The following TGM1 variants were observed in gnomAD, a reference collection of about 807,000 sequenced individuals.
The protein encoded by TGM1 is transglutaminase 1.
Under a neutral mutation model 88.7 loss-of-function variants are expected in TGM1, and 63 were observed. The ratio of observed to expected loss-of-function variants is 0.71; its 90% CI spans 0.58 to 0.88. The LOEUF (loss-of-function observed/expected upper bound fraction) is 0.88, where lower values mean the gene tolerates loss of function less well. Ranked by LOEUF, TGM1 falls within the 40% of genes least tolerant of loss-of-function variation. TGM1 has a pLI of 0.00. For missense variants in TGM1, 996 were observed against 1,118.0 expected (o/e 0.89, Z 1.56); for synonymous variants, 415 against 431.1 (o/e 0.96, Z 0.46).
In TGM1 at chr14:24,261,843, C is replaced by A. The variant is rs41295444; in HGVS notation, c.360G>T (p.Ser120=). 8 of 1,613,778 alleles carry A rather than the reference C, an allele frequency of 5.0e-6. No individual in the cohort carries two copies. The highest frequency in any genetic ancestry group is 6.8e-6 in the Non-Finnish European group (8 of 1,180,006). Reference sequence around the variant, plus strand: ...GCTCTCGGCGGTTCTGGTCCGAGCGCGAGCTCAGCAAGTCCACACCGTTCA... The same window carrying A: ...GCTCTCGGCGGTTCTGGTCCGAGCGAGAGCTCAGCAAGTCCACACCGTTCA... ...LVVNGVDLLS[S]RSDQNRREHH... The change falls in exon 3 of 15, where the codon TCG becomes TCT. Residue 120 remains serine (S), a synonymous_variant. Transcript: ENST00000206765.
In TGM1 at chr14:24,262,247, G is replaced by C. The variant is rs145197904; in HGVS notation, c.106C>G (p.Arg36Gly). 1 of 1,613,822 alleles carries C rather than the reference G, an allele frequency of 6.2e-7. No individual in the cohort carries two copies. Among genetic ancestry groups the C allele is most frequent in the African/African-American group, 1.3e-5 (1 of 75,072 alleles). The change falls in exon 2 of 15, where the codon CGC becomes GGC. Residue 36 changes from arginine (R) to glycine (G), a missense_variant. By Grantham distance (125) the Arg-to-Gly change is moderately radical (BLOSUM62 -2). Transcript: ENST00000206765. ...CAGAAGGAACGGCCTCCTCCTCTGC[G>C]AGAGCGTCCGTCTGGCTCTGGCTCT... ...EPEPEPDGRS[R>G]RGGGRSFWAR...
Position 24,262,061 on chromosome 14 carries a change from T to A in TGM1, c.292A>T (p.Asn98Tyr). The part of the protein sequence containing the change: ...RRPVSRGSGV[N>Y]AAGDGTIREG... ...CGGATGGTGCCATCTCCAGCTGCAT[T>A]GACACCGCTGCCCCGGGATACAGGC... Residue 98 changes from asparagine to tyrosine, a missense_variant, in exon 2 of 15, where the codon AAT becomes TAT. Coordinates refer to ENST00000206765, the MANE Select transcript of TGM1 (RefSeq NM_000359.3). 6.2e-7 allele frequency: 1 copy of A among 1,613,628 alleles called. No individual in the cohort carries two copies.
In TGM1 at chr14:24,261,681, C is replaced by T. The variant is rs2040809676; in HGVS notation, c.508+14G>A. ...CATAGGGCCTTCACCCGTCCCAATC[C>T]AAGCCCCACTGACCGATGAGTAACT... is the stretch of plus-strand genomic sequence containing the variant. On this transcript the variant is annotated intron_variant, in intron 3 of 14. Transcript: ENST00000206765. 6.8e-6 allele frequency: 11 copies of T among 1,613,882 alleles called. No homozygotes were observed. The highest frequency in any genetic ancestry group is 9.3e-6 in the Non-Finnish European group (11 of 1,179,926).
intron 4 of TGM1, 22 bp downstream of exon 4, chr14:24,260,428 G>C: frequency 6.2e-7 from 1 of 1,613,984 alleles, no homozygotes. Context: ...TCTACCCTCT[G>C]CTCCAGACCC....
At chr14:24,258,498 A>G (rs747428173) in intron 8 of TGM1, 37 bp downstream of exon 8, 20 of 1,505,938 alleles carry the variant, frequency 1.3e-5, no homozygotes, top group Non-Finnish European at 1.6e-5. Context: ...TCAGGTCACC[A>G]TTCTTCAGCA....
rs200948596 is a variant in TGM1 at position 24,259,847 on chromosome 14, G to C, written c.877-36C>G. 4.3e-5 allele frequency: 70 copies of C among 1,609,960 alleles called. No homozygotes were observed. In the East Asian group the frequency reaches 1.5e-3, roughly 35 times the overall value. ...GGATGGAGGGCAGAGGTGACAGCCTGAACCCTAGGCCAGCACCCTGCTCCA... is the reference window on the plus strand; with the variant it reads ...GGATGGAGGGCAGAGGTGACAGCCTCAACCCTAGGCCAGCACCCTGCTCCA... On this transcript the variant is annotated intron_variant, in intron 5 of 14. Coordinates refer to ENST00000206765, the MANE Select transcript of TGM1 (RefSeq NM_000359.3). This position sits in a 1 kb window ranked among gnomAD's most constrained non-coding sequence, Gnocchi z 5.7.
intron 9 of TGM1, 31 bp downstream of exon 9, chr14:24,258,254 G>C (rs2040773601): frequency 6.4e-7 from 1 of 1,554,244 alleles, no homozygotes; most frequent in Non-Finnish European, 8.9e-7. Context: ...GATAAGCAGG[G>C]GCATGGTGGG....
chr14:24,251,550 G>A (rs1401570648), intron 14 of TGM1, among the ~76,000 whole-genome samples: 2 of 152,182 alleles, frequency 1.3e-5, no homozygotes, highest in East Asian at 1.9e-4. Flanking sequence ...TGCTAAAGCT[G>A]GGATGTTCCT....
chr14:24,254,030 T>A (rs1202483316), intron 14 of TGM1, 122 bp downstream of exon 14: 2 of 1,423,870 alleles, frequency 1.4e-6, no homozygotes, highest in African/African-American at 1.4e-5. Context: ...GGCCCCAACC[T>A]GCTTGGTTGG....
In TGM1 at chr14:24,262,189, T is replaced by G; in HGVS notation, c.164A>C (p.Asn55Thr). ...ARCCGCCSCRNAADDDWGPEP... is the reference protein window; with the variant it reads ...ARCCGCCSCRTAADDDWGPEP... ...AGGTCCCCAGTCGTCATCTGCCGCA[T>G]TTCGGCATGAACAGCAGCCACAGCA... Residue 55 changes from asparagine to threonine, a missense_variant, in exon 2 of 15, where the codon AAT becomes ACT. Transcript: ENST00000206765. The G allele has an allele frequency of 6.2e-7, 1 of 1,613,764 alleles. No individual in the cohort carries two copies. The highest frequency in any genetic ancestry group is 1.3e-5 in the African/African-American group (1 of 75,040).
In TGM1 at chr14:24,261,749, G is replaced by C. The variant is rs532525772; in HGVS notation, c.454C>G (p.Leu152Val). 1.1e-5 allele frequency: 17 copies of C among 1,614,132 alleles called. No individual in the cohort carries two copies. In the East Asian group the frequency reaches 3.3e-4, roughly 32 times the overall value. The part of the protein sequence containing the change: ...RRGQPFHMLL[L>V]LSRTYESSDR... ...GAGGATTCATAGGTCCGGGACAGGA[G>C]GAGGAGCATATGGAAAGGCTGCCCG... is the stretch of plus-strand genomic sequence containing the variant. Residue 152 changes from leucine (L) to valine (V), a missense_variant, in exon 3 of 15, where the codon CTC becomes GTC. Physicochemically the swap from Leu to Val is conservative, Grantham distance 32. Coordinates refer to ENST00000206765, the MANE Select transcript of TGM1 (RefSeq NM_000359.3).
In TGM1 at chr14:24,261,804, CTCG is replaced by C. The variant is rs768506846; in HGVS notation, c.396_398del (p.Asp132del). ...GCACTATCAGCTCGTCGTACTCATACTCGTCTGTGTGGTGCTCTCGGCGGTTCT... is the reference window on the plus strand; with the variant it reads ...GCACTATCAGCTCGTCGTACTCATACTCTGTGTGGTGCTCTCGGCGGTTCT... On this transcript the variant is annotated inframe_deletion, in exon 3 of 15. Coordinates refer to ENST00000206765, the MANE Select transcript of TGM1 (RefSeq NM_000359.3). 1 of 1,614,138 alleles carries C rather than the reference CTCG, an allele frequency of 6.2e-7. No homozygotes were observed. The highest frequency in any genetic ancestry group is 1.1e-5 in the South Asian group (1 of 91,076).
Position 24,259,937 on chromosome 14 carries a change from T to C in TGM1, c.876+3A>G. The C allele has an allele frequency of 1.2e-6, 2 of 1,613,178 alleles. No individual in the cohort carries two copies. The highest frequency in any genetic ancestry group is 2.2e-5 in the East Asian group (1 of 44,878). On this transcript the variant is annotated splice_donor_region_variant and intron_variant, in intron 5 of 14. Coordinates refer to ENST00000206765, the MANE Select transcript of TGM1 (RefSeq NM_000359.3). The surrounding 1 kb of genome is among the most constrained non-coding windows in gnomAD (Gnocchi z 5.7). ...TATGTGACCCTGGCCAGCCGCACCA[T>C]ACCTGGCCGTAGTTCCAGGTCCGCT...
rs1302321335 is a variant in TGM1 at position 24,259,315 on chromosome 14, T to A, written c.985-66A>T. The stretch of plus-strand genomic sequence containing the variant: ...GGCTCAGGACCTGCCATGTGGTCCA[T>A]GGGGACCAGCCGGGCCCCGATCCTG... On this transcript the variant is annotated intron_variant, in intron 6 of 14. Coordinates refer to ENST00000206765, the MANE Select transcript of TGM1 (RefSeq NM_000359.3). This position sits in a 1 kb window ranked among gnomAD's most constrained non-coding sequence, Gnocchi z 5.7. 3 of 1,494,196 alleles carry A rather than the reference T, an allele frequency of 2.0e-6. No homozygotes were observed. The African/African-American group carries it at 4.2e-5, about 21-fold the overall frequency. The allele number at this position is 1,494,196 out of a possible 1,614,324, so 92.6% of individuals were successfully genotyped here. A position where few individuals can be genotyped will look rare whatever the true frequency, so the allele number is the denominator to read the frequency against.
chr14:24,262,463 TC>T, intron 1 of TGM1, 109 bp from the exon 2 acceptor site: 1 of 1,205,680 alleles, frequency 8.3e-7, no homozygotes. Context: ...ACCGAAACAA[TC>T]CCACCTTGGC....
chr14:24,259,897 C>A lies in TGM1; in HGVS notation c.876+43G>T, dbSNP rs1449906287. 6.2e-7 allele frequency: 1 copy of A among 1,609,300 alleles called. No individual in the cohort carries two copies. The highest frequency in any genetic ancestry group is 8.5e-7 in the Non-Finnish European group (1 of 1,175,840). On this transcript the variant is annotated intron_variant, in intron 5 of 14. Coordinates refer to ENST00000206765, the MANE Select transcript of TGM1 (RefSeq NM_000359.3). This position sits in a 1 kb window ranked among gnomAD's most constrained non-coding sequence, Gnocchi z 5.7. Reference sequence around the variant, plus strand: ...AATACCCCAGCCCCCACACCCACCCCAGCTCCTCTGGGTGTATGTGACCCT... The same window carrying A: ...AATACCCCAGCCCCCACACCCACCCAAGCTCCTCTGGGTGTATGTGACCCT...
At chr14:24,260,740 A>C in intron 3 of TGM1, 42 bp from the exon 4 acceptor site, 1 of 1,613,620 alleles carries the variant, frequency 6.2e-7, no homozygotes, top group East Asian at 2.2e-5. Flanking sequence ...GGCCTCCCTG[A>C]GGAGAGGGGA....
In TGM1 at chr14:24,260,685, C is replaced by T. The variant is rs1043050082; in HGVS notation, c.522G>A (p.Glu174=). ...TLELLIGNNP[E]VGKGTHVIIP... ...TGATCACGTGCGTGCCCTTGCCCAC[C>T]TCGGGGTTGTTTCCTAGAGTAGGAA... The change falls in exon 4 of 15, where the codon GAG becomes GAA. Residue 174 remains glutamate, a synonymous_variant. Transcript: ENST00000206765. The T allele has an allele frequency of 6.8e-6, 11 of 1,614,008 alleles. No individual in the cohort carries two copies. The highest frequency in any genetic ancestry group is 9.3e-6 in the Non-Finnish European group (11 of 1,180,040).
rs141972252 is a variant in TGM1 at position 24,258,370 on chromosome 14, G to A, written c.1317C>T (p.Asn439=). ...GATCCGGCCTCTTCATCCAGCAGTCGTTCCACACATGGAAGTTCCTGGATG... is the reference window on the plus strand; with the variant it reads ...GATCCGGCCTCTTCATCCAGCAGTCATTCCACACATGGAAGTTCCTGGATG... The part of the protein sequence containing the change: ...HDSVWNFHVW[N]DCWMKRPDLP... The change falls in exon 9 of 15, where the codon AAC becomes AAT. Residue 439 remains asparagine, a synonymous_variant. Transcript: ENST00000206765. 4.1e-5 allele frequency: 66 copies of A among 1,614,124 alleles called. No individual in the cohort carries two copies. Among genetic ancestry groups the A allele is most frequent in the African/African-American group, 1.5e-4 (11 of 75,042 alleles).
Sources: gnomAD v4.1 joint callset for allele counts (sites outside exome capture counted in the v4.1 genomes callset) on GRCh38, gnomAD v4.1.1 for gene constraint, Gnocchi (gnomAD v3.1) non-coding constraint, MANE v1.5 for transcripts, NCBI Gene and HGNC (gene_info 2026-07-23, HGNC 2026-07-21) for gene names.